ZNF2: variants seen among roughly 807,000 people sequenced by gnomAD.
ZNF2 encodes the protein zinc finger protein 2.
In ZNF2, 12 loss-of-function variants were observed where a neutral mutation model predicts 21.9. The ratio of observed to expected loss-of-function variants is 0.55; its 90% CI spans 0.35 to 0.89. ZNF2 has a LOEUF of 0.89. Ranked by LOEUF, ZNF2 falls within the 40% of genes least tolerant of loss-of-function variation. The pLI, the probability that ZNF2 is intolerant of heterozygous loss-of-function variation, is 0.01. For missense variants in ZNF2, 462 were observed against 544.2 expected (o/e 0.85, Z 1.50); for synonymous variants, 186 against 196.3 (o/e 0.95, Z 0.44).
chr2:95,179,850 A>G (rs1485915290), intron 3 of ZNF2, among the ~76,000 whole-genome samples: 1 of 152,212 alleles, frequency 6.6e-6, no homozygotes, highest in East Asian at 1.9e-4. Flanking sequence ...TGAGGTCAGG[A>G]GTTCGAAACC....
chr2:95,167,739 T>C (rs1189815633), intron 1 of ZNF2, among the ~76,000 whole-genome samples: 1 of 149,342 alleles, frequency 6.7e-6, no homozygotes, highest in Non-Finnish European at 1.5e-5. Context: ...CCCAGCTACT[T>C]GGGAGGCTGA....
Position 95,181,193 on chromosome 2 carries a change from G to A in ZNF2, c.365G>A (p.Cys122Tyr). The A allele has an allele frequency of 6.2e-7, 1 of 1,614,192 alleles. No individual in the cohort carries two copies. Among genetic ancestry groups the A allele is most frequent in the Non-Finnish European group, 8.5e-7 (1 of 1,180,046 alleles). The change falls in exon 5 of 5, where the codon TGT (cysteine) becomes TAT (tyrosine). Residue 122 changes from cysteine (C) to tyrosine (Y), a missense_variant. Cys to Tyr is a radical substitution (Grantham distance 194). Coordinates refer to ENST00000614034, the MANE Select transcript of ZNF2 (RefSeq NM_021088.4). Reference protein sequence around the residue: ...RECLGRQSPLCPKFEVHTPNG... With the variant: ...RECLGRQSPLYPKFEVHTPNG... Reference sequence around the variant, plus strand: ...TGCCTTGGAAGGCAAAGTCCTCTGTGTCCTAAATTTGAAGTTCATACACCC... The same window carrying A: ...TGCCTTGGAAGGCAAAGTCCTCTGTATCCTAAATTTGAAGTTCATACACCC...
rs771295055 is a variant in ZNF2, at chr2:95,181,256, G to T, written c.428G>T (p.Gly143Val). 1 of 1,614,068 alleles carries T rather than the reference G, an allele frequency of 6.2e-7. No homozygotes were observed. The highest frequency in any genetic ancestry group is 1.7e-5 in the Admixed American group (1 of 60,000). ...GGAACAGAAAAGCAAAGCCCTTCAGGGGAGACTCGTAAGAAATCCCTCTCC... is the reference window on the plus strand; with the variant it reads ...GGAACAGAAAAGCAAAGCCCTTCAGTGGAGACTCGTAAGAAATCCCTCTCC... The part of the protein sequence containing the change: ...RMGTEKQSPS[G>V]ETRKKSLSRD... Residue 143 changes from glycine to valine, a missense_variant, in exon 5 of 5, where the codon GGG becomes GTG. Transcript: ENST00000614034.
In ZNF2 at chr2:95,182,122, G is replaced by A; in HGVS notation, c.*16G>A. ...AATAGACTGAGTTGGGCAAAAGCTT[G>A]GGTAGGACAAGAACTTCCATACAAA... On this transcript the variant is annotated 3_prime_UTR_variant, in exon 5 of 5. Coordinates refer to ENST00000614034, the MANE Select transcript of ZNF2 (RefSeq NM_021088.4). The A allele has an allele frequency of 6.3e-7, 1 of 1,575,806 alleles. No individual in the cohort carries two copies. Among genetic ancestry groups the A allele is most frequent in the Non-Finnish European group, 8.6e-7 (1 of 1,159,786 alleles).
At chr2:95,172,180 C>T (rs576118084) in intron 1 of ZNF2, among the ~76,000 whole-genome samples, 13 of 152,264 alleles carry the variant, frequency 8.5e-5, no homozygotes, top group Middle Eastern at 3.4e-3. Context: ...ACATAGGCAC[C>T]GTCTGCCTAA....
intron 1 of ZNF2, among the ~76,000 whole-genome samples, chr2:95,166,492 A>G (rs1417053701): frequency 2.0e-5 from 3 of 152,172 alleles, no homozygotes; most frequent in Non-Finnish European, 2.9e-5. Flanking sequence ...AAGGTGGCTT[A>G]TATAGGTGTG....
intron 1 of ZNF2, among the ~76,000 whole-genome samples, chr2:95,173,004 A>G (rs543857430): frequency 3.3e-5 from 5 of 151,632 alleles, no homozygotes; most frequent in South Asian, 2.1e-4. Context: ...ATTACAGATA[A>G]AGCTGAAGTA....
intron 1 of ZNF2, among the ~76,000 whole-genome samples, chr2:95,175,488 C>T (rs1674410479): frequency 6.6e-6 from 1 of 152,186 alleles, no homozygotes; most frequent in Non-Finnish European, 1.5e-5. Context: ...CCCATGTGCC[C>T]ATGGGTTCTG....
At position 95,181,128 on chromosome 2, in the gene ZNF2, C is replaced by A; in HGVS notation, c.300C>A (p.His100Gln). 6.2e-7 allele frequency: 1 copy of A among 1,613,962 alleles called. No individual in the cohort carries two copies. The highest frequency in any genetic ancestry group is 8.5e-7 in the Non-Finnish European group (1 of 1,179,916). Residue 100 changes from histidine to glutamine, a missense_variant, in exon 5 of 5, where the codon CAC becomes CAA. By Grantham distance (24) the His-to-Gln change is conservative. Coordinates refer to ENST00000614034, the MANE Select transcript of ZNF2 (RefSeq NM_021088.4). Reference sequence around the variant, plus strand: ...ACTGGGAAACTAAGCCTGAGATTCACGATGCTTCAGACAAAAAATCAGAAG... The same window carrying A: ...ACTGGGAAACTAAGCCTGAGATTCAAGATGCTTCAGACAAAAAATCAGAAG... ...SLDWETKPEIHDASDKKSEGS... is the reference protein window; with the variant it reads ...SLDWETKPEIQDASDKKSEGS...
chr2:95,172,012 C>T (rs1030735495), intron 1 of ZNF2, among the ~76,000 whole-genome samples: 8 of 152,176 alleles, frequency 5.3e-5, no homozygotes, highest in Non-Finnish European at 7.4e-5. Context: ...TAGAGGAATC[C>T]GTATATAGGC....
chr2:95,180,421 T>A, intron 4 of ZNF2, 149 bp downstream of exon 4: 1 of 572,870 alleles, frequency 1.7e-6, no homozygotes, highest in Non-Finnish European at 3.1e-6. Flanking sequence ...TTTATTTTTT[T>A]CCCTCTACAC....
chr2:95,167,392 G>A (rs1490361272), intron 1 of ZNF2, among the ~76,000 whole-genome samples: 1 of 151,476 alleles, frequency 6.6e-6, no homozygotes, highest in African/African-American at 2.4e-5. Flanking sequence ...TGTAGTCCCG[G>A]CTACTCGGGA....
chr2:95,177,755 T>A, intron 3 of ZNF2, 146 bp downstream of exon 3: 1 of 1,088,126 alleles, frequency 9.2e-7, no homozygotes, highest in Admixed American at 2.8e-5. Flanking sequence ...GGCATCAGAG[T>A]ACAGCAACGG....
intron 3 of ZNF2, among the ~76,000 whole-genome samples, chr2:95,178,643 G>C (rs1483397069): frequency 6.6e-6 from 1 of 152,134 alleles, no homozygotes; most frequent in Non-Finnish European, 1.5e-5. Flanking sequence ...GGGAAGTTTA[G>C]AGCCCAAGCC....
Position 95,182,194 on chromosome 2 carries a change from A to G in ZNF2, c.*88A>G. 1.3e-6 allele frequency: 2 copies of G among 1,488,874 alleles called. No individual in the cohort carries two copies. The highest frequency in any genetic ancestry group is 2.3e-5 in the East Asian group (1 of 43,868). The allele number at this position is 1,488,874 out of a possible 1,614,324, so 92.2% of individuals were successfully genotyped here. On this transcript the variant is annotated 3_prime_UTR_variant, in exon 5 of 5. Coordinates refer to ENST00000614034, the MANE Select transcript of ZNF2 (RefSeq NM_021088.4). The stretch of plus-strand genomic sequence containing the variant: ...CTTAAAGCTGCCATTTGCTCATTCT[A>G]CCCACTCTGGCTGCCGTTGTCCTGT...
intron 4 of ZNF2, 129 bp from the exon 5 acceptor site, chr2:95,180,974 G>C: frequency 8.6e-7 from 1 of 1,162,158 alleles, no homozygotes; most frequent in East Asian, 2.4e-5. Flanking sequence ...TCCCTGCCGT[G>C]TAAGACTATC....
intron 1 of ZNF2, among the ~76,000 whole-genome samples, chr2:95,166,788 T>C (rs1240174154): frequency 2.0e-5 from 3 of 152,150 alleles, no homozygotes; most frequent in African/African-American, 7.2e-5. Context: ...AAACATCTGA[T>C]ACAAATGTAA....
At chr2:95,175,055 A>G (rs1674395256) in intron 1 of ZNF2, among the ~76,000 whole-genome samples, 1 of 152,106 alleles carries the variant, frequency 6.6e-6, no homozygotes, top group East Asian at 1.9e-4. Context: ...TTATTTTTAT[A>G]GAGACAGAGG....
In ZNF2 at chr2:95,166,836, G is replaced by A. The variant is rs76846207; in HGVS notation, c.-40+976G>A. ...GCGTTGATGTGTGGAATTGCCTAAAGGAAGATAGTTTTGAGGTGATGGTGG... is the reference window on the plus strand; with the variant it reads ...GCGTTGATGTGTGGAATTGCCTAAAAGAAGATAGTTTTGAGGTGATGGTGG... On this transcript the variant is annotated intron_variant, in intron 1 of 4. Transcript: ENST00000614034. 4.1e-3 allele frequency among the ~76,000 whole-genome samples: 617 copies of A among 152,316 alleles called. 11 individuals are homozygous for A. The highest frequency in any genetic ancestry group is 0.014 in the African/African-American group (590 of 41,566).
Sources: gnomAD v4.1 joint callset for allele counts (sites outside exome capture counted in the v4.1 genomes callset) on GRCh38, gnomAD v4.1.1 for gene constraint, MANE v1.5 for transcripts, NCBI Gene and HGNC (gene_info 2026-07-23, HGNC 2026-07-21) for gene names.